Variants in KBTBD8 observed in about 807,000 individuals in gnomAD.
The protein encoded by KBTBD8 is kelch repeat and BTB domain containing 8.
In KBTBD8, 31 loss-of-function variants were observed where a neutral mutation model predicts 53.5. The ratio of observed to expected loss-of-function variants is 0.58; its 90% CI spans 0.44 to 0.78. The LOEUF (loss-of-function observed/expected upper bound fraction) is 0.78, where lower values mean the gene tolerates loss of function less well. Ranked by LOEUF, KBTBD8 falls within the 30% of genes least tolerant of loss-of-function variation. The pLI is 0.00. For missense variants in KBTBD8, 642 were observed against 735.8 expected, an observed-to-expected ratio of 0.87 and a Z score of 1.48; for synonymous variants, 250 against 247.3, an observed-to-expected ratio of 1.01 and a Z score of -0.10.
In KBTBD8 at chr3:66,999,199, G is replaced by A; in HGVS notation, c.227+8G>A. The A allele has an allele frequency of 1.2e-6, 2 of 1,611,166 alleles. No individual in the cohort carries two copies. The highest frequency in any genetic ancestry group is 1.7e-6 in the Non-Finnish European group (2 of 1,177,332). The stretch of plus-strand genomic sequence containing the variant: ...AATCAGCCCTTACTTCAGGTATGAT[G>A]ATGGTAGGAACTTCTGTTGGTATCT... On this transcript the variant is annotated splice_region_variant and intron_variant, in intron 2 of 3. Transcript: ENST00000417314.
At chr3:66,998,902 A>G in intron 1 of KBTBD8, 79 bp from the exon 2 acceptor site, 1 of 1,070,524 alleles carries the variant, frequency 9.3e-7, no homozygotes, top group African/African-American at 1.6e-5. Context: ...CCTAGCAAGC[A>G]GACACACAAA....
chr3:66,998,378 C>T lies in KBTBD8; in HGVS notation c.16+7C>T. The T allele has an allele frequency of 9.1e-7, 1 of 1,099,090 alleles. No homozygotes were observed. The highest frequency in any genetic ancestry group is 3.2e-5 in the South Asian group (1 of 31,272). 68.1% of individuals were successfully genotyped at this position (1,099,090 alleles called of 1,614,324 possible). On this transcript the variant is annotated splice_region_variant and intron_variant, in intron 1 of 3. Coordinates refer to ENST00000417314, the MANE Select transcript of KBTBD8 (RefSeq NM_032505.3). Reference sequence around the variant, plus strand: ...GAAATGGCCGCGTCGGCAGGTGGGTCGTGTGGTGGCCAGGGCGGCGTGGAG... The same window carrying T: ...GAAATGGCCGCGTCGGCAGGTGGGTTGTGTGGTGGCCAGGGCGGCGTGGAG...
intron 1 of KBTBD8, among the ~76,000 whole-genome samples, 154 bp downstream of exon 1, chr3:66,998,525 G>T (rs1165711759): frequency 6.6e-6 from 1 of 152,154 alleles, no homozygotes; most frequent in Non-Finnish European, 1.5e-5. Context: ...GATGAATGGT[G>T]CGGAGGGCGG....
At chr3:66,999,381 G>A (rs1701996160) in intron 2 of KBTBD8, among the ~76,000 whole-genome samples, 190 bp downstream of exon 2, 1 of 152,118 alleles carries the variant, frequency 6.6e-6, no homozygotes, top group African/African-American at 2.4e-5. Flanking sequence ...TCTAGATTTC[G>A]GGTGATTGCT....
At chr3:67,001,108 A>G (rs1372367357) in intron 2 of KBTBD8, among the ~76,000 whole-genome samples, 1 of 152,164 alleles carries the variant, frequency 6.6e-6, no homozygotes, top group Non-Finnish European at 1.5e-5. Context: ...TAAAAGGAGT[A>G]AAAAATACTT....
chr3:66,998,379 G>T lies in KBTBD8; in HGVS notation c.16+8G>T. 3 of 1,296,292 alleles carry T rather than the reference G, an allele frequency of 2.3e-6. No individual in the cohort carries two copies. The highest frequency in any genetic ancestry group is 3.0e-6 in the Non-Finnish European group (3 of 1,014,332). The allele number at this position is 1,296,292 out of a possible 1,614,324, so 80.3% of individuals were successfully genotyped here. On this transcript the variant is annotated splice_region_variant and intron_variant, in intron 1 of 3. Transcript: ENST00000417314. Reference sequence around the variant, plus strand: ...AAATGGCCGCGTCGGCAGGTGGGTCGTGTGGTGGCCAGGGCGGCGTGGAGG... The same window carrying T: ...AAATGGCCGCGTCGGCAGGTGGGTCTTGTGGTGGCCAGGGCGGCGTGGAGG...
In KBTBD8 at chr3:67,010,511, A is replaced by G. The variant is rs539852934; in HGVS notation, c.*2126A>G. On this transcript the variant is annotated 3_prime_UTR_variant, in exon 4 of 4. Coordinates refer to ENST00000417314, the MANE Select transcript of KBTBD8 (RefSeq NM_032505.3). Reference sequence around the variant, plus strand: ...AACAGTTGATCTTTTGGCTATGACAATTTGTATGGAGGGTACGATCTAAGT... The same window carrying G: ...AACAGTTGATCTTTTGGCTATGACAGTTTGTATGGAGGGTACGATCTAAGT... 14 of 152,706 alleles carry G rather than the reference A, an allele frequency of 9.2e-5. No individual in the cohort carries two copies. Among genetic ancestry groups the G allele is most frequent in the African/African-American group, 2.9e-4 (12 of 41,572 alleles). The allele number at this position is 152,706 out of a possible 1,614,324, so 9.5% of individuals were successfully genotyped here.
Position 66,999,000 on chromosome 3 carries a change from A to G in KBTBD8, c.36A>G (p.Pro12=). The change falls in exon 2 of 4, where the codon CCA becomes CCG. Residue 12 remains proline, a synonymous_variant. Coordinates refer to ENST00000417314, the MANE Select transcript of KBTBD8 (RefSeq NM_032505.3). ...AASADLSKSS[P]TPNGIPSSDP... The stretch of plus-strand genomic sequence containing the variant: ...TCCTAGATTTAAGTAAGTCTTCCCC[A>G]ACACCGAATGGGATTCCATCTTCAG... 1 of 1,609,828 alleles carries G rather than the reference A, an allele frequency of 6.2e-7. No homozygotes were observed. The highest frequency in any genetic ancestry group is 1.3e-5 in the African/African-American group (1 of 74,964).
rs1362895655 is a variant in KBTBD8 at position 67,009,759 on chromosome 3, A to C, written c.*1374A>C. ...TTGTATACCTAAGGCAGGCATTTGGATCAGTAACATGTTTTACTAAGCCTA... is the reference window on the plus strand; with the variant it reads ...TTGTATACCTAAGGCAGGCATTTGGCTCAGTAACATGTTTTACTAAGCCTA... On this transcript the variant is annotated 3_prime_UTR_variant, in exon 4 of 4. Transcript: ENST00000417314. 6 of 152,750 alleles carry C rather than the reference A, an allele frequency of 3.9e-5. No homozygotes were observed. The highest frequency in any genetic ancestry group is 1.2e-4 in the African/African-American group (5 of 41,588). The allele number at this position is 152,750 out of a possible 1,614,324, so 9.5% of individuals were successfully genotyped here. A position where few individuals can be genotyped will look rare whatever the true frequency, so the allele number is the denominator to read the frequency against.
In KBTBD8 at chr3:67,003,960, A is replaced by G. The variant is rs1702041008; in HGVS notation, c.993A>G (p.Val331=). 5 of 1,614,170 alleles carry G rather than the reference A, an allele frequency of 3.1e-6. No individual in the cohort carries two copies. The highest frequency in any genetic ancestry group is 3.4e-6 in the Non-Finnish European group (4 of 1,180,028). The change falls in exon 3 of 4, where the codon GTA becomes GTG. Residue 331 remains valine, a synonymous_variant. Coordinates refer to ENST00000417314, the MANE Select transcript of KBTBD8 (RefSeq NM_032505.3). ...PNDLREVGIL[V]SPDNDIYIAG... ...ACCTGAGAGAAGTTGGGATTCTTGT[A>G]TCACCAGATAATGACATTTACATTG... is the stretch of plus-strand genomic sequence containing the variant.
At chr3:66,999,725 T>C (rs9848485) in intron 2 of KBTBD8, among the ~76,000 whole-genome samples, 30,873 of 152,084 alleles carry the variant, frequency 0.2, 3,239 homozygotes, top group South Asian at 0.22. Flanking sequence ...TATAAAATAG[T>C]TTAAAACATG....
At chr3:66,998,726 G>A (rs1701986070) in intron 1 of KBTBD8, among the ~76,000 whole-genome samples, 1 of 152,184 alleles carries the variant, frequency 6.6e-6, no homozygotes, top group South Asian at 2.1e-4. Context: ...CGTTTCCTCC[G>A]CGAGCACGGG....
Position 66,999,154 on chromosome 3 carries a change from C to G in KBTBD8, c.190C>G (p.His64Asp). Residue 64 changes from histidine to aspartate, a missense_variant, in exon 2 of 4, where the codon CAT (histidine) becomes GAT (aspartate). By Grantham distance (81) the His-to-Asp change is moderately conservative (BLOSUM62 -1). Coordinates refer to ENST00000417314, the MANE Select transcript of KBTBD8 (RefSeq NM_032505.3). ...GGATCACGGGAAAACATTTTCCTGT[C>G]ATAGAAACGTTCTTGCTGCAATCAG... ...EVDHGKTFSC[H>D]RNVLAAISPY... 2 of 1,614,166 alleles carry G rather than the reference C, an allele frequency of 1.2e-6. No individual in the cohort carries two copies. The highest frequency in any genetic ancestry group is 1.7e-6 in the Non-Finnish European group (2 of 1,180,016).
intron 1 of KBTBD8, among the ~76,000 whole-genome samples, chr3:66,998,731 C>T (rs1247341265): frequency 1.3e-5 from 2 of 152,324 alleles, no homozygotes; most frequent in Middle Eastern, 3.4e-3. Context: ...CCTCCGCGAG[C>T]ACGGGTGCCG....
Position 66,999,048 on chromosome 3 carries a change from C to T in KBTBD8, c.84C>T (p.Asp28=), listed in dbSNP as rs774370521. The T allele has an allele frequency of 9.9e-6, 16 of 1,614,106 alleles. No homozygotes were observed. Among genetic ancestry groups the T allele is most frequent in the Admixed American group, 5.0e-5 (3 of 60,018 alleles). The stretch of plus-strand genomic sequence containing the variant: ...CAGACCCAGCCAGCGATGCCATGGA[C>T]CCCTTCCATGCTTGCAGTATTCTTA... ...PSSDPASDAM[D]PFHACSILKQ... is the part of the protein sequence containing the mutation. The change falls in exon 2 of 4, where the codon GAC becomes GAT. Residue 28 remains aspartate (D), a synonymous_variant. Coordinates refer to ENST00000417314, the MANE Select transcript of KBTBD8 (RefSeq NM_032505.3).
At chr3:67,005,174 T>C (rs1360569134) in intron 3 of KBTBD8, among the ~76,000 whole-genome samples, 1 of 152,228 alleles carries the variant, frequency 6.6e-6, no homozygotes, top group Non-Finnish European at 1.5e-5. Context: ...CTTGAATGTT[T>C]AATGCAGTGT....
In KBTBD8 at chr3:67,003,522, A is replaced by C; in HGVS notation, c.555A>C (p.Glu185Asp). 1 of 1,614,126 alleles carries C rather than the reference A, an allele frequency of 6.2e-7. No homozygotes were observed. The highest frequency in any genetic ancestry group is 8.5e-7 in the Non-Finnish European group (1 of 1,179,974). ...IRKKFLCVTK[E>D]QEFLQLTKDQ... ...AAAAGTTTCTGTGTGTCACCAAAGA[A>C]CAAGAGTTTCTCCAGTTGACAAAAG... is the stretch of plus-strand genomic sequence containing the variant. Residue 185 changes from glutamate (E) to aspartate (D), a missense_variant, in exon 3 of 4, where the codon GAA becomes GAC. By Grantham distance (45) the Glu-to-Asp change is conservative (BLOSUM62 2). Transcript: ENST00000417314.
chr3:66,998,791 G>T, intron 1 of KBTBD8, 190 bp from the exon 2 acceptor site: 18 of 608,812 alleles, frequency 3.0e-5, no homozygotes, highest in Non-Finnish European at 2.9e-6. Context: ...TTGTTCCGCC[G>T]ATCGCGCTCC....
At chr3:66,998,512 G>A (rs925339851) in intron 1 of KBTBD8, 141 bp downstream of exon 1, 6 of 678,596 alleles carry the variant, frequency 8.8e-6, no homozygotes, top group African/African-American at 3.8e-5. Context: ...TGAGAAGAGG[G>A]AGGATGAATG....
Sources: allele counts gnomAD v4.1 joint callset (sites outside exome capture counted in the v4.1 genomes callset), GRCh38; gene constraint gnomAD v4.1.1; transcripts MANE v1.5; gene names NCBI Gene and HGNC (gene_info 2026-07-23, HGNC 2026-07-21).